The following PFKP variants were observed in gnomAD, a reference collection of about 807,000 sequenced individuals.
PFKP encodes ATP-dependent 6-phosphofructokinase, platelet type.
Under a neutral mutation model 94.3 loss-of-function variants are expected in PFKP, and 101 were observed. That is an observed-to-expected ratio of 1.07 (90% CI 0.91 to 1.26). PFKP has a LOEUF of 1.26. Among genes scored for constraint, PFKP ranks in the 50% most tolerant of loss-of-function variants. The pLI is 0.00. For synonymous variants in PFKP, 573 were observed against 432.6 expected, an observed-to-expected ratio of 1.32 and a Z score of -4.03; for missense variants, 1,145 against 1,103.3, an observed-to-expected ratio of 1.04 and a Z score of -0.53.
chr10:3,118,183 C>T (rs897031552), intron 14 of PFKP, among the ~76,000 whole-genome samples: 2 of 152,128 alleles, frequency 1.3e-5, no homozygotes, highest in African/African-American at 2.4e-5. Context: ...TCCATTTAAA[C>T]AATTATTGGG....
chr10:3,098,907 G>GCTGT (rs1266441463), intron 2 of PFKP, among the ~76,000 whole-genome samples: 2 of 152,198 alleles, frequency 1.3e-5, no homozygotes, highest in African/African-American at 4.8e-5. Context: ...GCTCGACAGT[G>GCTGT]CTGTGTGCCT....
At position 3,136,695 on chromosome 10, in the gene PFKP, G is replaced by GC; in HGVS notation, c.*116_*117insC. On this transcript the variant is annotated 3_prime_UTR_variant, in exon 22 of 22. Transcript: ENST00000381125. ...ATTGACATTAATACCTAATCGGCGA[G>GC]TGCCCATCTGCCCCACCTGCTCCAG... 8.9e-7 allele frequency: 1 copy of GC among 1,124,464 alleles called. No homozygotes were observed. Among genetic ancestry groups the GC allele is most frequent in the South Asian group, 1.5e-5 (1 of 66,686 alleles). 69.7% of individuals were successfully genotyped at this position (1,124,464 alleles called of 1,614,324 possible). A position where few individuals can be genotyped will look rare whatever the true frequency, so the allele number is the denominator to read the frequency against.
At chr10:3,120,078 G>A (rs375491294) in intron 16 of PFKP, 34 bp downstream of exon 16, 30 of 1,609,144 alleles carry the variant, frequency 1.9e-5, no homozygotes, top group East Asian at 1.3e-4. Flanking sequence ...GGCGGGCGCC[G>A]GCTGACGCTA....
chr10:3,124,715 T>C (rs1413346181), intron 16 of PFKP, among the ~76,000 whole-genome samples: 1 of 152,214 alleles, frequency 6.6e-6, no homozygotes, highest in African/African-American at 2.4e-5. Context: ...AGCTACAGGA[T>C]TGGCTTTGCC....
At chr10:3,096,510 C>T (rs529265777) in intron 2 of PFKP, among the ~76,000 whole-genome samples, 4 of 152,246 alleles carry the variant, frequency 2.6e-5, no homozygotes, top group South Asian at 4.1e-4. Context: ...AGGGAGGTCC[C>T]GGTTTCTGCT....
chr10:3,101,512 CG>C lies in PFKP; in HGVS notation c.414del (p.Lys139ArgfsTer45). On this transcript the variant is annotated frameshift_variant, in exon 4 of 22. Coordinates refer to ENST00000381125, the MANE Select transcript of PFKP (RefSeq NM_002627.5). LOFTEE classifies it high-confidence loss of function. ...GAGCCTCACCGGGGCCAACCTCTTC[CG>C]GAAGGAGTGGAGTGGGCTGCTGGAG... Reference protein sequence around the residue: ...DGSLTGANLFRKEWSGLLEEL... With the variant: ...DGSLTGANLFXKEWSGLLEEL... 1 of 1,587,726 alleles carries C rather than the reference CG, an allele frequency of 6.3e-7. No individual in the cohort carries two copies. Among genetic ancestry groups the C allele is most frequent in the Non-Finnish European group, 8.6e-7 (1 of 1,165,724 alleles).
At chr10:3,077,747 C>G (rs182753886) in intron 1 of PFKP, among the ~76,000 whole-genome samples, 204 of 152,262 alleles carry the variant, frequency 1.3e-3, no homozygotes, top group Non-Finnish European at 2.7e-3. Context: ...AGGAAGAAAC[C>G]GTCCTGTGAC....
Position 3,101,550 on chromosome 10 carries a change from G to A in PFKP, c.450G>A (p.Arg150=). 1 of 1,537,726 alleles carries A rather than the reference G, an allele frequency of 6.5e-7. No individual in the cohort carries two copies. The highest frequency in any genetic ancestry group is 8.8e-7 in the Non-Finnish European group (1 of 1,141,834). ...EWSGLLEELA[R]NGQIDKEAVQ... is the part of the protein sequence containing the mutation. The stretch of plus-strand genomic sequence containing the variant: ...GTGGGCTGCTGGAGGAGCTGGCCAG[G>A]AACGGTGAGTGGACACCTGCTCCTC... The change falls in exon 4 of 22, where the codon AGG becomes AGA. Residue 150 remains arginine (R), a synonymous_variant. Transcript: ENST00000381125.
chr10:3,077,253 TTTTTTTTC>T (rs1246248640), intron 1 of PFKP, among the ~76,000 whole-genome samples: 1 of 93,480 alleles, frequency 1.1e-5, no homozygotes, highest in Non-Finnish European at 2.3e-5. Context: ...TCTTTACTTT[TTTTTTTTC>T]TTTTTTTTTT....
intron 1 of PFKP, among the ~76,000 whole-genome samples, chr10:3,077,875 T>A (rs1225315548): frequency 6.6e-6 from 1 of 152,248 alleles, no homozygotes; most frequent in East Asian, 1.9e-4. Flanking sequence ...CGCTCCCTCA[T>A]TATCTCCAAC....
At chr10:3,076,618 G>T (rs1488881537) in intron 1 of PFKP, among the ~76,000 whole-genome samples, 1 of 151,958 alleles carries the variant, frequency 6.6e-6, no homozygotes, top group East Asian at 1.9e-4. Context: ...TCATGCATTT[G>T]TTCACTGTGT....
At chr10:3,113,654 A>ACTTATTTAAGGCAAG in intron 13 of PFKP, 136 bp downstream of exon 13, 1 of 677,660 alleles carries the variant, frequency 1.5e-6, no homozygotes. Flanking sequence ...TTGTGACTGA[A>ACTTATTTAAGGCAAG]GCATTGCTTC....
chr10:3,111,284 A>G (rs531312156), intron 10 of PFKP, among the ~76,000 whole-genome samples: 1 of 151,504 alleles, frequency 6.6e-6, no homozygotes, highest in East Asian at 2.0e-4. Context: ...GTGTGTCTGC[A>G]TGTTTGTGTG....
chr10:3,127,790 C>T (rs1054066115), intron 16 of PFKP, among the ~76,000 whole-genome samples: 5 of 152,268 alleles, frequency 3.3e-5, no homozygotes, highest in African/African-American at 9.6e-5. Context: ...CAAAGTGGCC[C>T]GCTAACTAGA....
chr10:3,100,991 T>C lies in PFKP; in HGVS notation c.265-374T>C, dbSNP rs763809031. 4.7e-5 allele frequency: 75 copies of C among 1,611,964 alleles called. No individual in the cohort carries two copies. The South Asian group carries it at 8.1e-4, about 17-fold the overall frequency. ...ACCGCTTCCCTTGTCCTGGCCGGCA[T>C]GCTCTGGTGGTCAGTGGGCTTGTCT... On this transcript the variant is annotated intron_variant, in intron 3 of 21. Transcript: ENST00000381125.
intron 3 of PFKP, chr10:3,101,051 C>G: frequency 6.9e-7 from 1 of 1,439,010 alleles, no homozygotes; most frequent in East Asian, 2.3e-5. Flanking sequence ...GCTCGTTGGC[C>G]GGTGCTGAGG....
In PFKP at chr10:3,113,171, G is replaced by T. The variant is rs766026140; in HGVS notation, c.1207G>T (p.Asp403Tyr). The T allele has an allele frequency of 6.2e-7, 1 of 1,612,472 alleles. No individual in the cohort carries two copies. Among genetic ancestry groups the T allele is most frequent in the Non-Finnish European group, 8.5e-7 (1 of 1,179,344 alleles). The change falls in exon 12 of 22, where the codon GAT becomes TAT. Residue 403 changes from aspartate to tyrosine, a missense_variant. Asp to Tyr is a radical substitution (Grantham distance 160). Transcript: ENST00000381125. ...TYKRLAIKLP[D>Y]DQIPKTNCNV... is the part of the protein sequence containing the mutation. ...CAAGCGACTTGCCATCAAGCTGCCG[G>T]ATGATCAGATCCCAAAGGTAGGTGG...
At chr10:3,079,932 G>C (rs77576787) in intron 1 of PFKP, among the ~76,000 whole-genome samples, 2,284 of 151,212 alleles carry the variant, frequency 0.015, 91 homozygotes, top group East Asian at 0.08. Context: ...TGTCCTGCCA[G>C]GAATAAATGG....
intron 2 of PFKP, among the ~76,000 whole-genome samples, chr10:3,088,259 C>T (rs895252439): frequency 4.1e-4 from 61 of 148,718 alleles, no homozygotes; most frequent in African/African-American, 1.5e-3. Flanking sequence ...GGTTTTTTGT[C>T]CTTGCGATAG....
Sources: gnomAD v4.1 joint callset for allele counts (sites outside exome capture counted in the v4.1 genomes callset) on GRCh38, gnomAD v4.1.1 for gene constraint, MANE v1.5 for transcripts, NCBI Gene and HGNC (gene_info 2026-07-23, HGNC 2026-07-21) for gene names.